Variants in HLCS observed in about 807,000 individuals in gnomAD.
HLCS encodes biotin--protein ligase.
Under a neutral mutation model 75.0 loss-of-function variants are expected in HLCS, and 53 were observed. The ratio of observed to expected loss-of-function variants is 0.71; its 90% CI spans 0.57 to 0.89. The LOEUF is 0.89. Ranked by LOEUF, HLCS falls within the 40% of genes least tolerant of loss-of-function variation. The probability of loss-of-function intolerance (pLI) is 0.00; values close to 1 mark genes in which losing one functional copy is unlikely to be tolerated. For synonymous variants in HLCS, 431 were observed against 428.6 expected, an observed-to-expected ratio of 1.01 and a Z score of -0.07; for missense variants, 966 against 1,074.0, an observed-to-expected ratio of 0.90 and a Z score of 1.41.
chr21:36,798,769 C>G (rs1482475550), intron 6 of HLCS, among the ~76,000 whole-genome samples: 1 of 152,200 alleles, frequency 6.6e-6, no homozygotes, highest in African/African-American at 2.4e-5. Flanking sequence ...TGTTAATTTG[C>G]ATTTCTCTGA....
intron 6 of HLCS, among the ~76,000 whole-genome samples, chr21:36,785,393 G>A (rs1317569797): frequency 1.3e-5 from 2 of 151,730 alleles, no homozygotes; most frequent in Non-Finnish European, 2.9e-5. Flanking sequence ...ACAGATTTTC[G>A]TTCAAATGGT....
chr21:36,930,397 G>T lies in HLCS; in HGVS notation c.1474C>A (p.Gln492Lys), dbSNP rs138844739. Residue 492 changes from glutamine (Q) to lysine (K), a missense_variant, in exon 5 of 11, where the codon CAA (glutamine) becomes AAA (lysine). By Grantham distance (53) the Gln-to-Lys change is moderately conservative (BLOSUM62 1). Coordinates refer to ENST00000674895, the MANE Select transcript of HLCS (RefSeq NM_001352514.2). ...LELPPSSNIV[Q>K]TPEDFNLLKS... is the part of the protein sequence containing the mutation. ...AGCAAGTTAAAATCTTCTGGAGTTT[G>T]CACTATGTTGGAGCTGGGAGGTAGT... The T allele has an allele frequency of 1.9e-5, 30 of 1,614,186 alleles. No homozygotes were observed. The African/African-American group carries it at 3.1e-4, about 16-fold the overall frequency.
chr21:36,951,071 C>T (rs1350247098), intron 2 of HLCS, among the ~76,000 whole-genome samples: 1 of 152,168 alleles, frequency 6.6e-6, no homozygotes, highest in African/African-American at 2.4e-5. Flanking sequence ...AAGTGTTAAC[C>T]AATCCCAGAA....
chr21:36,792,505 C>CG (rs1478682914), intron 6 of HLCS, among the ~76,000 whole-genome samples: 11 of 110,590 alleles, frequency 9.9e-5, no homozygotes, highest in Non-Finnish European at 1.9e-4. Context: ...GGGAAGGGAG[C>CG]GGGGGGAGGA....
At chr21:36,878,480 A>G (rs2064072827) in intron 6 of HLCS, among the ~76,000 whole-genome samples, 1 of 152,188 alleles carries the variant, frequency 6.6e-6, no homozygotes, top group Non-Finnish European at 1.5e-5. Context: ...AACTACTACT[A>G]CTGAGCACCT....
intron 4 of HLCS, among the ~76,000 whole-genome samples, chr21:36,935,401 T>C (rs1021355403): frequency 1.1e-4 from 17 of 151,936 alleles, no homozygotes; most frequent in African/African-American, 3.1e-4. Flanking sequence ...AAGAAACAAA[T>C]ATATACTCTG....
intron 6 of HLCS, among the ~76,000 whole-genome samples, chr21:36,825,872 C>T (rs924864587): frequency 1.3e-5 from 2 of 152,244 alleles, no homozygotes; most frequent in Non-Finnish European, 2.9e-5. Flanking sequence ...GACTAGAAGG[C>T]TGGCATTCTG....
At chr21:36,894,548 C>G (rs530506347) in intron 6 of HLCS, among the ~76,000 whole-genome samples, 1 of 152,204 alleles carries the variant, frequency 6.6e-6, no homozygotes, top group African/African-American at 2.4e-5. Flanking sequence ...AACCTCACTT[C>G]GTAGTGTTAG....
chr21:36,761,318 C>T (rs1242508012), intron 8 of HLCS, among the ~76,000 whole-genome samples: 1 of 152,232 alleles, frequency 6.6e-6, no homozygotes, highest in African/African-American at 2.4e-5. Flanking sequence ...AAATCCCTTC[C>T]TCCTTCCAAC....
intron 6 of HLCS, among the ~76,000 whole-genome samples, chr21:36,822,625 A>G (rs1228752537): frequency 6.6e-6 from 1 of 152,218 alleles, no homozygotes; most frequent in Non-Finnish European, 1.5e-5. Context: ...ACCAGCACAT[A>G]TACATATGCC....
intron 6 of HLCS, among the ~76,000 whole-genome samples, chr21:36,788,845 G>A (rs577583609): frequency 3.3e-5 from 5 of 152,244 alleles, no homozygotes; most frequent in Admixed American, 2.0e-4. Flanking sequence ...GTTGGATTTC[G>A]TTGTTTTTGT....
intron 6 of HLCS, among the ~76,000 whole-genome samples, chr21:36,845,787 T>A (rs891915823): frequency 6.6e-6 from 1 of 152,124 alleles, no homozygotes; most frequent in Non-Finnish European, 1.5e-5. Context: ...ATCACAGGCA[T>A]CAAAATGGCC....
chr21:36,823,610 G>GGTGTGTGTGTGTGTGTGTGT (rs59724760), intron 6 of HLCS, among the ~76,000 whole-genome samples: 3,082 of 132,632 alleles, frequency 0.023, 77 homozygotes, highest in African/African-American at 0.041. Context: ...AAACGTGCAG[G>GGTGTGTGTGTGTGTGTGTGT]GTGTGTGTGT....
chr21:36,976,670 A>G (rs1315568037), intron 1 of HLCS, among the ~76,000 whole-genome samples: 1 of 152,194 alleles, frequency 6.6e-6, no homozygotes, highest in East Asian at 1.9e-4. Flanking sequence ...CATTAGAGGA[A>G]GCTGGGTGAA....
chr21:36,814,612 C>G (rs1201591860), intron 6 of HLCS, among the ~76,000 whole-genome samples: 1 of 152,080 alleles, frequency 6.6e-6, no homozygotes, highest in Non-Finnish European at 1.5e-5. Context: ...AAAGGCAGCT[C>G]TAAGAAGGGG....
intron 6 of HLCS, among the ~76,000 whole-genome samples, chr21:36,812,757 T>G (rs1012969464): frequency 1.3e-5 from 2 of 152,174 alleles, no homozygotes; most frequent in African/African-American, 4.8e-5. Flanking sequence ...CTTTTCCTCC[T>G]TTTAAAAAGA....
At chr21:36,834,112 G>T (rs190152611) in intron 6 of HLCS, among the ~76,000 whole-genome samples, 2 of 152,336 alleles carry the variant, frequency 1.3e-5, no homozygotes, top group Admixed American at 1.3e-4. Context: ...CCAGACTTGA[G>T]TACGCACGGA....
intron 6 of HLCS, among the ~76,000 whole-genome samples, chr21:36,850,762 G>A (rs2062971075): frequency 1.3e-5 from 2 of 152,162 alleles, no homozygotes. Flanking sequence ...TGGTCAACAG[G>A]TATGTGAGTC....
chr21:36,905,773 TG>T (rs2065422700), intron 5 of HLCS, among the ~76,000 whole-genome samples: 1 of 152,042 alleles, frequency 6.6e-6, no homozygotes, highest in East Asian at 1.9e-4. Flanking sequence ...AAAAATTGGC[TG>T]GGCACAGTGG....
Sources: gnomAD v4.1 joint callset for allele counts (sites outside exome capture counted in the v4.1 genomes callset) on GRCh38, gnomAD v4.1.1 for gene constraint, MANE v1.5 for transcripts, NCBI Gene and HGNC (gene_info 2026-07-23, HGNC 2026-07-21) for gene names.